Variants in AGMO observed in about 807,000 individuals in gnomAD.
The protein encoded by AGMO is alkylglycerol monooxygenase.
A neutral mutation model predicts 60.2 loss-of-function variants in AGMO; 75 were observed. The observed-to-expected ratio is 1.25, with a 90% CI of 1.03 to 1.51. The LOEUF is 1.51. Among genes scored for constraint, AGMO ranks in the 40% most tolerant of loss-of-function variants. AGMO has a pLI of 0.00. For synonymous variants in AGMO, 261 were observed against 177.1 expected (o/e 1.47, Z -3.76); for missense variants, 763 against 525.5 (o/e 1.45, Z -4.42).
chr7:15,322,436 A>G lies in AGMO; in HGVS notation c.1263+43078T>C, dbSNP rs537735838. Among the ~76,000 whole-genome samples, 4 of 121,564 alleles carry G rather than the reference A, an allele frequency of 3.3e-5. No homozygotes were observed. The East Asian group carries it at 6.5e-4, about 20-fold the overall frequency. 79.8% of individuals were successfully genotyped at this position (121,564 alleles called of 152,430 possible). On this transcript the variant is annotated intron_variant, in intron 12 of 12. Transcript: ENST00000342526. ...TAAACATATATATACCTGTGTGTGT[A>G]TATATATAAATATATATATAAATAT...
At chr7:15,550,613 C>G (rs1366736534) in intron 2 of AGMO, among the ~76,000 whole-genome samples, 2 of 151,490 alleles carry the variant, frequency 1.3e-5, no homozygotes, top group East Asian at 3.9e-4. Context: ...CAAGACTAAA[C>G]CAGGAAGAAG....
chr7:15,248,177 ACCATATATATAT>A (rs1372834742), intron 12 of AGMO, among the ~76,000 whole-genome samples: 1 of 27,834 alleles, frequency 3.6e-5, no homozygotes, highest in Non-Finnish European at 9.9e-5. Context: ...GTGATCCAGC[ACCATATATATAT>A]ATATATATAT....
intron 12 of AGMO, among the ~76,000 whole-genome samples, chr7:15,227,596 A>G (rs1046569398): frequency 1.4e-4 from 21 of 151,984 alleles, no homozygotes; most frequent in African/African-American, 5.1e-4. Flanking sequence ...TGGGACCAAT[A>G]TGGCCAACTG....
At chr7:15,179,102 T>C in the AGMO span, among the ~76,000 whole-genome samples, 1 of 152,154 alleles carries the variant, frequency 6.6e-6, no homozygotes, top group Non-Finnish European at 1.5e-5. Context: ...TCACTTTTGG[T>C]GGGGACATTT....
At chr7:15,403,369 CTGTA>C (rs539776203) in intron 5 of AGMO, among the ~76,000 whole-genome samples, 92 of 151,958 alleles carry the variant, frequency 6.1e-4, no homozygotes, top group Admixed American at 2.2e-3. Context: ...TTGAAATAAT[CTGTA>C]TGGGTTTCAT....
intron 2 of AGMO, among the ~76,000 whole-genome samples, chr7:15,557,595 G>A (rs1438695633): frequency 2.0e-5 from 3 of 150,896 alleles, no homozygotes; most frequent in Non-Finnish European, 3.0e-5. Flanking sequence ...CTGGGTTTGG[G>A]ATTTTTTTTT....
Position 15,507,730 on chromosome 7 carries a change from T to A in AGMO, c.409+37042A>T, listed in dbSNP as rs115578736. ...AGTTGATGATATTAAGAAATGTTTT[T>A]TAAACATTTTTACAGATCAGTCAAG... On this transcript the variant is annotated intron_variant, in intron 3 of 12. Coordinates refer to ENST00000342526, the MANE Select transcript of AGMO (RefSeq NM_001004320.2). Among the ~76,000 whole-genome samples, 1,065 of 152,186 alleles carry A rather than the reference T, an allele frequency of 7.0e-3. 4 individuals are homozygous for A. The highest frequency in any genetic ancestry group is 0.024 in the African/African-American group (997 of 41,540).
At chr7:15,368,051 A>G (rs575977491) in intron 10 of AGMO, among the ~76,000 whole-genome samples, 1 of 152,188 alleles carries the variant, frequency 6.6e-6, no homozygotes, top group East Asian at 1.9e-4. Context: ...AGAATTGTCA[A>G]GAGATTTTAA....
At chr7:15,208,926 A>G (rs1374725575) in intron 12 of AGMO, among the ~76,000 whole-genome samples, 1 of 152,230 alleles carries the variant, frequency 6.6e-6, no homozygotes, top group African/African-American at 2.4e-5. Context: ...GAAACACGAC[A>G]TTTAATCTAA....
intron 3 of AGMO, among the ~76,000 whole-genome samples, chr7:15,501,672 T>G (rs550555901): frequency 7.1e-4 from 108 of 152,104 alleles, no homozygotes; most frequent in Middle Eastern, 3.4e-3. Flanking sequence ...ATTGATAGCA[T>G]AGGATTTTTT....
intron 12 of AGMO, among the ~76,000 whole-genome samples, chr7:15,343,257 G>A (rs1385467374): frequency 6.6e-6 from 1 of 151,972 alleles, no homozygotes; most frequent in Non-Finnish European, 1.5e-5. Context: ...ATCTTTAATA[G>A]AAAATTATCT....
chr7:15,187,133 G>A, the AGMO span, among the ~76,000 whole-genome samples: 12 of 152,084 alleles, frequency 7.9e-5, no homozygotes, highest in Non-Finnish European at 1.5e-4. Context: ...TCTCAAGATA[G>A]CTATCTGATG....
chr7:15,231,743 G>C (rs1406516693), intron 12 of AGMO, among the ~76,000 whole-genome samples: 4 of 152,164 alleles, frequency 2.6e-5, no homozygotes, highest in Non-Finnish European at 5.9e-5. Context: ...GCAGCGTTCT[G>C]TGAGGGTAAA....
chr7:15,174,856 C>A, the AGMO span, among the ~76,000 whole-genome samples: 1 of 151,804 alleles, frequency 6.6e-6, no homozygotes, highest in African/African-American at 2.4e-5. Context: ...TATGTATCAT[C>A]AATCCAAATG....
chr7:15,390,601 G>T, intron 8 of AGMO, 70 bp downstream of exon 8: 2 of 1,256,634 alleles, frequency 1.6e-6, no homozygotes, highest in South Asian at 3.0e-5. Context: ...TTCTACAGCT[G>T]ATTTTTCTCT....
intron 8 of AGMO, among the ~76,000 whole-genome samples, chr7:15,387,931 A>G (rs1205017663): frequency 2.1e-5 from 3 of 140,948 alleles, no homozygotes; most frequent in African/African-American, 8.4e-5. Flanking sequence ...TCCCCAAGAC[A>G]GAGTCTCGCT....
intron 12 of AGMO, among the ~76,000 whole-genome samples, chr7:15,314,951 C>G (rs558068458): frequency 2.6e-5 from 4 of 152,226 alleles, no homozygotes; most frequent in Admixed American, 6.5e-5. Flanking sequence ...TGGCTCTAAT[C>G]TGTAGGGACC....
intron 12 of AGMO, among the ~76,000 whole-genome samples, chr7:15,208,844 G>T (rs1486565390): frequency 1.3e-5 from 2 of 152,156 alleles, no homozygotes; most frequent in African/African-American, 4.8e-5. Context: ...TGAAACAGAA[G>T]ATTTTTGAAT....
At chr7:15,199,701 A>C (rs1781224157), downstream of AGMO, among the ~76,000 whole-genome samples, 1 of 152,212 alleles carries the variant, frequency 6.6e-6, no homozygotes, top group South Asian at 2.1e-4. Context: ...CTGTATATGT[A>C]TACAAAATTC....
Sources: gnomAD v4.1 joint callset for allele counts (sites outside exome capture counted in the v4.1 genomes callset) on GRCh38, gnomAD v4.1.1 for gene constraint, MANE v1.5 for transcripts, NCBI Gene and HGNC (gene_info 2026-07-23, HGNC 2026-07-21) for gene names.